AKAP7: variants seen among roughly 807,000 people sequenced by gnomAD.
The protein encoded by AKAP7 is A kinase (PRKA) anchor protein 7.
Under a neutral mutation model 39.5 loss-of-function variants are expected in AKAP7, and 39 were observed. The observed-to-expected ratio is 0.99, with a 90% CI of 0.76 to 1.29. The LOEUF (loss-of-function observed/expected upper bound fraction) is 1.29. AKAP7 is among the 50% of genes most tolerant of loss of function. AKAP7 has a pLI of 0.00. For missense variants in AKAP7, 414 were observed against 407.7 expected (o/e 1.02, Z -0.13); for synonymous variants, 140 against 139.1 (o/e 1.01, Z -0.05).
At chr6:131,221,560 C>A (rs1394253104) in intron 7 of AKAP7, among the ~76,000 whole-genome samples, 1 of 152,166 alleles carries the variant, frequency 6.6e-6, no homozygotes, top group Non-Finnish European at 1.5e-5. Context: ...AGTTTCATAG[C>A]TACAGAAGAG....
At chr6:131,242,490 CTATATATATAATTATA>C (rs1447982996) in intron 7 of AKAP7, among the ~76,000 whole-genome samples, 1 of 149,946 alleles carries the variant, frequency 6.7e-6, no homozygotes, top group South Asian at 2.1e-4. Flanking sequence ...CCCTTTTTTG[CTATATATATAATTATA>C]TATATATATA....
upstream of AKAP7, among the ~76,000 whole-genome samples, chr6:131,134,563 C>T (rs1800406404): frequency 6.6e-6 from 1 of 152,204 alleles, no homozygotes; most frequent in Non-Finnish European, 1.5e-5. Flanking sequence ...GTCTTACCTG[C>T]ACATCCTCAG....
At chr6:131,133,080 C>T (rs956117361), upstream of AKAP7, among the ~76,000 whole-genome samples, 89 of 152,046 alleles carry the variant, frequency 5.9e-4, 1 homozygote, top group Admixed American at 5.7e-3. Flanking sequence ...TTTTATGTCT[C>T]CTATATTTAT....
At chr6:131,162,315 C>T (rs1803048086) in intron 3 of AKAP7, among the ~76,000 whole-genome samples, 1 of 152,184 alleles carries the variant, frequency 6.6e-6, no homozygotes, top group Non-Finnish European at 1.5e-5. Context: ...TAGTTTTCAT[C>T]CTTTAACCTG....
At chr6:131,163,010 C>T (rs1803140484) in intron 3 of AKAP7, among the ~76,000 whole-genome samples, 1 of 151,948 alleles carries the variant, frequency 6.6e-6, no homozygotes, top group African/African-American at 2.4e-5. Context: ...CTCTCGCTCT[C>T]TCTCTCTCTC....
In AKAP7 at chr6:131,135,742, G is replaced by C. The variant is rs956846509; in HGVS notation, c.-22G>C. ...CCGCCGCTGCCGCCAGCCCAGACGC[G>C]CCGCCCGCATGCGCCGCGACCATGG... On this transcript the variant is annotated 5_prime_UTR_variant, in exon 1 of 8. Transcript: ENST00000431975. 1.3e-5 allele frequency: 16 copies of C among 1,220,768 alleles called. No homozygotes were observed. Among genetic ancestry groups the C allele is most frequent in the Non-Finnish European group, 1.6e-5 (16 of 982,850 alleles). 75.6% of individuals were successfully genotyped at this position (1,220,768 alleles called of 1,614,324 possible). A position where few individuals can be genotyped will look rare whatever the true frequency, so the allele number is the denominator to read the frequency against.
intron 5 of AKAP7, among the ~76,000 whole-genome samples, chr6:131,183,880 C>T (rs775223723): frequency 1.1e-4 from 17 of 152,222 alleles, no homozygotes; most frequent in South Asian, 2.1e-4. Context: ...CTCAGCTGCT[C>T]GCTACCAGCT....
At chr6:131,193,906 CAG>C (rs1806659751) in intron 5 of AKAP7, among the ~76,000 whole-genome samples, 1 of 151,968 alleles carries the variant, frequency 6.6e-6, no homozygotes, top group South Asian at 2.1e-4. Context: ...TCTCATTTAT[CAG>C]CTCTTATTTT....
At chr6:131,221,110 C>T (rs1364348424) in intron 7 of AKAP7, among the ~76,000 whole-genome samples, 2 of 152,112 alleles carry the variant, frequency 1.3e-5, no homozygotes, top group Non-Finnish European at 2.9e-5. Context: ...GTTGTGAATG[C>T]CAAGGAAAAG....
intron 6 of AKAP7, among the ~76,000 whole-genome samples, chr6:131,204,637 G>A (rs567209803): frequency 4.6e-5 from 7 of 152,158 alleles, no homozygotes; most frequent in Non-Finnish European, 8.8e-5. Flanking sequence ...TCCCATTTTG[G>A]TTTGCTGGGG....
At chr6:131,233,552 A>G (rs956093784) in intron 7 of AKAP7, among the ~76,000 whole-genome samples, 1 of 152,168 alleles carries the variant, frequency 6.6e-6, no homozygotes, top group Non-Finnish European at 1.5e-5. Flanking sequence ...AAATGCTACA[A>G]ACTGTATATA....
intron 2 of AKAP7, among the ~76,000 whole-genome samples, chr6:131,158,954 A>G (rs1802679350): frequency 6.6e-6 from 1 of 152,018 alleles, no homozygotes; most frequent in Non-Finnish European, 1.5e-5. Context: ...ACACAGATTT[A>G]GTAATTATTT....
At chr6:131,249,681 A>C (rs1812288088) in intron 7 of AKAP7, among the ~76,000 whole-genome samples, 1 of 152,220 alleles carries the variant, frequency 6.6e-6, no homozygotes, top group African/African-American at 2.4e-5. Context: ...AATAGAGTTC[A>C]AAATATAGCC....
chr6:131,190,793 C>A (rs533332320), intron 5 of AKAP7, among the ~76,000 whole-genome samples: 10 of 152,096 alleles, frequency 6.6e-5, no homozygotes, highest in African/African-American at 2.4e-4. Flanking sequence ...AACAGAAGTC[C>A]ATTTCTTATA....
At chr6:131,132,071 G>T (rs1304680480), upstream of AKAP7, among the ~76,000 whole-genome samples, 1 of 152,128 alleles carries the variant, frequency 6.6e-6, no homozygotes, top group Non-Finnish European at 1.5e-5. Context: ...CCAGCACTTT[G>T]GGAGGCCGAG....
Position 131,283,409 on chromosome 6 carries a change from C to T in AKAP7, c.*1683C>T, listed in dbSNP as rs184777664. On this transcript the variant is annotated 3_prime_UTR_variant, in exon 8 of 8. Transcript: ENST00000431975. ...GGAGATCAAATATGTAAAATCATTT[C>T]AAATATAAAATCCAGTTTACTCATG... is the stretch of plus-strand genomic sequence containing the variant. 3.3e-5 allele frequency: 5 copies of T among 152,598 alleles called. No individual in the cohort carries two copies. Among genetic ancestry groups the T allele is most frequent in the Admixed American group, 2.6e-4 (4 of 15,294 alleles). 9.5% of individuals were successfully genotyped at this position (152,598 alleles called of 1,614,324 possible).
chr6:131,209,551 G>C (rs752360752), intron 6 of AKAP7, among the ~76,000 whole-genome samples: 1 of 152,066 alleles, frequency 6.6e-6, no homozygotes, highest in South Asian at 2.1e-4. Context: ...CACCCAGCCC[G>C]ATAAACTTCT....
intron 7 of AKAP7, among the ~76,000 whole-genome samples, chr6:131,273,784 A>G (rs1258765626): frequency 2.6e-5 from 4 of 151,912 alleles, no homozygotes; most frequent in Admixed American, 1.3e-4. Context: ...CTGTAGTATC[A>G]TTTTCCTTCT....
intron 7 of AKAP7, among the ~76,000 whole-genome samples, chr6:131,241,608 T>TATATATAC (rs61296586): frequency 0.11 from 15,008 of 139,496 alleles, 1,730 homozygotes; most frequent in Middle Eastern, 0.21. Context: ...TGTGTGTGTG[T>TATATATAC]GTGTGTGTGT....
Sources: gnomAD v4.1 joint callset for allele counts (sites outside exome capture counted in the v4.1 genomes callset) on GRCh38, gnomAD v4.1.1 for gene constraint, MANE v1.5 for transcripts, NCBI Gene and HGNC (gene_info 2026-07-23, HGNC 2026-07-21) for gene names.